Variants in ATP10B observed in about 807,000 individuals in gnomAD.
The protein encoded by ATP10B is ATPase phospholipid transporting 10B (putative).
In ATP10B, 122 loss-of-function variants were observed where a neutral mutation model predicts 141.2. The ratio of observed to expected loss-of-function variants is 0.86; its 90% confidence interval spans 0.75 to 1.00. ATP10B has a LOEUF of 1.00. Ranked by LOEUF, ATP10B falls within the 50% of genes least tolerant of loss-of-function variation. ATP10B has a pLI of 0.00. For synonymous variants in ATP10B, 685 were observed against 692.0 expected (o/e 0.99, Z 0.16); for missense variants, 1,876 against 1,825.3 (o/e 1.03, Z -0.51).
intron 23 of ATP10B, 53 bp from the exon 24 acceptor site, chr5:160,589,749 G>GTCAAA: frequency 2.2e-6 from 3 of 1,374,550 alleles, no homozygotes; most frequent in Non-Finnish European, 2.1e-6. Flanking sequence ...GACTAACTTT[G>GTCAAA]GCTTTGACAC....
intron 20 of ATP10B, chr5:160,603,732 G>T: frequency 2.0e-6 from 1 of 512,672 alleles, no homozygotes; most frequent in South Asian, 2.8e-5. Context: ...GTTTAAATGG[G>T]AAAATTTAGC....
At chr5:160,865,705 AG>A in the ATP10B span, among the ~76,000 whole-genome samples, 1 of 152,150 alleles carries the variant, frequency 6.6e-6, no homozygotes, top group Non-Finnish European at 1.5e-5. Context: ...AGAATCTACA[AG>A]GAACTCAAAT....
intron 3 of ATP10B, among the ~76,000 whole-genome samples, chr5:160,714,778 T>C (rs893283015): frequency 7.2e-6 from 1 of 139,292 alleles, no homozygotes; most frequent in Non-Finnish European, 1.6e-5. Flanking sequence ...GATGGTGATG[T>C]ACAGATGGGT....
In ATP10B at chr5:160,632,187, T is replaced by C; in HGVS notation, c.1562A>G (p.Gln521Arg). 6.2e-7 allele frequency: 1 copy of C among 1,614,228 alleles called. No homozygotes were observed. Among genetic ancestry groups the C allele is most frequent in the Non-Finnish European group, 8.5e-7 (1 of 1,180,044 alleles). ...ARVPIQGHYR[Q>R]RSMGHRESSQ... Reference sequence around the variant, plus strand: ...GCTTTCACGGTGCCCCATAGACCTTTGCCGGTAGTGGCCCTGGATGGGCAC... The same window carrying C: ...GCTTTCACGGTGCCCCATAGACCTTCGCCGGTAGTGGCCCTGGATGGGCAC... The change falls in exon 13 of 26, where the codon CAA becomes CGA. Residue 521 changes from glutamine to arginine, a missense_variant. By Grantham distance (43) the Gln-to-Arg change is conservative (BLOSUM62 1). Transcript: ENST00000327245.
At chr5:160,632,069 A>G in intron 13 of ATP10B, 60 bp downstream of exon 13, 1 of 1,483,922 alleles carries the variant, frequency 6.7e-7, no homozygotes, top group Non-Finnish European at 9.1e-7. Flanking sequence ...CACATTCCAG[A>G]GCACCCTCCC....
intron 2 of ATP10B, among the ~76,000 whole-genome samples, chr5:160,775,265 A>G (rs1192096465): frequency 6.6e-6 from 1 of 152,170 alleles, no homozygotes; most frequent in East Asian, 1.9e-4. Flanking sequence ...TGGCCATCCT[A>G]ACAAAGCTTG....
chr5:160,652,770 A>G (rs1251777801), intron 7 of ATP10B, among the ~76,000 whole-genome samples: 1 of 106,998 alleles, frequency 9.3e-6, no homozygotes, highest in Non-Finnish European at 1.7e-5. Flanking sequence ...TTATATACAT[A>G]AATATAAATA....
intron 7 of ATP10B, among the ~76,000 whole-genome samples, chr5:160,650,133 T>TAC (rs549523911): frequency 1.6e-4 from 24 of 148,756 alleles, no homozygotes; most frequent in East Asian, 3.9e-4. Context: ...TATATATATA[T>TAC]ACACACACAC....
chr5:160,760,362 G>C (rs11135116), intron 2 of ATP10B, among the ~76,000 whole-genome samples: 47,974 of 151,962 alleles, frequency 0.32, 7,915 homozygotes, highest in Non-Finnish European at 0.36. Context: ...TTCCTGTATA[G>C]TCTGCATACA....
At chr5:160,913,272 T>TC in the ATP10B span, among the ~76,000 whole-genome samples, 1 of 152,176 alleles carries the variant, frequency 6.6e-6, no homozygotes, top group East Asian at 1.9e-4. Context: ...GACCGGCTGC[T>TC]CCCTGTTGCC....
intron 1 of ATP10B, among the ~76,000 whole-genome samples, chr5:160,812,920 C>A (rs562831611): frequency 2.4e-4 from 36 of 152,260 alleles, no homozygotes; most frequent in African/African-American, 8.2e-4. Context: ...GAACACCAAA[C>A]AGATTTAATC....
chr5:160,873,832 T>TA, the ATP10B span, among the ~76,000 whole-genome samples: 59 of 152,180 alleles, frequency 3.9e-4, no homozygotes, highest in Admixed American at 2.6e-4. Flanking sequence ...CAGACCTGCT[T>TA]AAAAAATGGT....
At chr5:160,848,728 G>C (rs889323935) in intron 1 of ATP10B, among the ~76,000 whole-genome samples, 1 of 152,204 alleles carries the variant, frequency 6.6e-6, no homozygotes, top group Non-Finnish European at 1.5e-5. Flanking sequence ...GCAATGGGTA[G>C]AGAGGTATTA....
chr5:160,617,983 A>G lies in ATP10B; in HGVS notation c.2417-10T>C. 1 of 1,609,852 alleles carries G rather than the reference A, an allele frequency of 6.2e-7. No homozygotes were observed. Among genetic ancestry groups the G allele is most frequent in the South Asian group, 1.1e-5 (1 of 91,014 alleles). On this transcript the variant is annotated splice_polypyrimidine_tract_variant and intron_variant, in intron 15 of 25. Coordinates refer to ENST00000327245, the MANE Select transcript of ATP10B (RefSeq NM_025153.3). ...ATATTAATGTCAGGTACTGTCAAAT[A>G]GCCATTTTCCCGCATGAGGCCACAT...
At chr5:160,643,445 C>T (rs959789885) in intron 9 of ATP10B, among the ~76,000 whole-genome samples, 1 of 152,132 alleles carries the variant, frequency 6.6e-6, no homozygotes, top group African/African-American at 2.4e-5. Flanking sequence ...ACAACAGGTG[C>T]GTTGCGTACC....
intron 1 of ATP10B, among the ~76,000 whole-genome samples, chr5:160,814,402 GAATGA>G (rs1382034331): frequency 6.6e-6 from 1 of 152,158 alleles, no homozygotes; most frequent in African/African-American, 2.4e-5. Context: ...AAGATCAAAT[GAATGA>G]AATGAAGTGA....
In ATP10B at chr5:160,589,579, C is replaced by G; in HGVS notation, c.3750+13G>C. On this transcript the variant is annotated intron_variant, in intron 24 of 25. Coordinates refer to ENST00000327245, the MANE Select transcript of ATP10B (RefSeq NM_025153.3). Reference sequence around the variant, plus strand: ...GCACAGTTTTGAAGCCAAAGGGGCTCTGGGACACTTACCCATGTCTTCATT... The same window carrying G: ...GCACAGTTTTGAAGCCAAAGGGGCTGTGGGACACTTACCCATGTCTTCATT... 6.2e-7 allele frequency: 1 copy of G among 1,605,718 alleles called. No individual in the cohort carries two copies. The highest frequency in any genetic ancestry group is 8.5e-7 in the Non-Finnish European group (1 of 1,172,962).
chr5:160,718,491 A>G (rs1470595490), intron 2 of ATP10B, among the ~76,000 whole-genome samples: 2 of 152,224 alleles, frequency 1.3e-5, no homozygotes, highest in African/African-American at 4.8e-5. Flanking sequence ...TAATTTATAA[A>G]GAAAAGAAGT....
At chr5:160,746,073 A>G (rs929447792) in intron 2 of ATP10B, among the ~76,000 whole-genome samples, 1 of 152,254 alleles carries the variant, frequency 6.6e-6, no homozygotes, top group African/African-American at 2.4e-5. Flanking sequence ...CTCTTAGGAC[A>G]GTACCTCACA....
Sources: gnomAD v4.1 joint callset for allele counts (sites outside exome capture counted in the v4.1 genomes callset) on GRCh38, gnomAD v4.1.1 for gene constraint, MANE v1.5 for transcripts, NCBI Gene and HGNC (gene_info 2026-07-23, HGNC 2026-07-21) for gene names.